The following FAM185A variants were observed in gnomAD, a reference collection of about 807,000 sequenced individuals.
FAM185A encodes the protein protein FAM185A.
A neutral mutation model predicts 45.7 loss-of-function variants in FAM185A; 21 were observed. The ratio of observed to expected loss-of-function variants is 0.46; its 90% CI spans 0.33 to 0.66. The LOEUF is 0.66. Ranked by LOEUF, FAM185A falls within the 30% of genes least tolerant of loss-of-function variation. FAM185A has a pLI of 0.03. For missense variants in FAM185A, 305 were observed against 485.4 expected (o/e 0.63, Z 3.49); for synonymous variants, 117 against 194.0 (o/e 0.60, Z 3.30).
intron 2 of FAM185A, chr7:102,755,144 A>G (rs1793630920): frequency 5.3e-6 from 2 of 377,104 alleles, no homozygotes; most frequent in African/African-American, 2.1e-5. Flanking sequence ...CCGTCGCCCA[A>G]GATGCCGAAA....
At chr7:102,834,032 T>TGAAGGAAGGAAGGAAG in the FAM185A span, among the ~76,000 whole-genome samples, 116 of 75,454 alleles carry the variant, frequency 1.5e-3, no homozygotes, top group East Asian at 2.0e-3. Context: ...GAAACCATGA[T>TGAAGGAAGGAAGGAAG]GAAGGAAGGA....
the FAM185A span, among the ~76,000 whole-genome samples, chr7:102,831,717 G>T: frequency 3.3e-5 from 5 of 151,980 alleles, no homozygotes; most frequent in African/African-American, 1.2e-4. Flanking sequence ...TTTCTCTACT[G>T]TTGGCTTAGG....
At chr7:102,758,459 T>TTTTTTTTTTTTTA (rs1554364935) in intron 3 of FAM185A, among the ~76,000 whole-genome samples, 2 of 107,448 alleles carry the variant, frequency 1.9e-5, no homozygotes, top group African/African-American at 7.3e-5. Context: ...TTTTTTTTTT[T>TTTTTTTTTTTTTA]ATAGTAGCTA....
chr7:102,813,465 A>C (rs76271897), downstream of FAM185A: 2 of 1,614,206 alleles, frequency 1.2e-6, no homozygotes, highest in South Asian at 2.2e-5. Flanking sequence ...AGCCAAACCA[A>C]CGTGGAGGGT....
chr7:102,840,441 G>A, the FAM185A span, among the ~76,000 whole-genome samples: 2 of 152,200 alleles, frequency 1.3e-5, no homozygotes, highest in East Asian at 1.9e-4. Context: ...CCTCTGTGGG[G>A]CAAGAAAGGC....
Position 102,768,315 on chromosome 7 carries a change from T to C in FAM185A, c.794-4094T>C, listed in dbSNP as rs201663950. 2.8e-3 allele frequency among the ~76,000 whole-genome samples: 410 copies of C among 146,852 alleles called. No homozygotes were observed. In the East Asian group the frequency reaches 0.053, roughly 19 times the overall value. On this transcript the variant is annotated intron_variant, in intron 4 of 7. Coordinates refer to ENST00000413034, the MANE Select transcript of FAM185A (RefSeq NM_001145268.2). ...TGATCAGAGCCTTTGATCATACTGA[T>C]CATACTGTTTATATTCTGCCTGAAA... is the stretch of plus-strand genomic sequence containing the variant.
intron 7 of FAM185A, among the ~76,000 whole-genome samples, chr7:102,792,249 T>G (rs1413712386): frequency 6.6e-6 from 1 of 151,484 alleles, no homozygotes. Flanking sequence ...CTCAGGTGTA[T>G]AATTCCTACC....
chr7:102,848,425 G>A, the FAM185A span, among the ~76,000 whole-genome samples: 6 of 98,832 alleles, frequency 6.1e-5, 1 homozygote, highest in Non-Finnish European at 9.3e-5. Context: ...GCGTAGTGGC[G>A]GGCGCCTGTA....
chr7:102,822,156 C>T, the FAM185A span: 1 of 1,614,112 alleles, frequency 6.2e-7, no homozygotes. Flanking sequence ...CCAAAATGTG[C>T]AGGTAATGGC....
At chr7:102,847,055 T>TA in the FAM185A span, among the ~76,000 whole-genome samples, 1 of 152,254 alleles carries the variant, frequency 6.6e-6, no homozygotes, top group Non-Finnish European at 1.5e-5. Flanking sequence ...TGTCCATAAA[T>TA]AAAGTTTTAT....
chr7:102,784,024 T>C (rs1275336272), intron 6 of FAM185A, among the ~76,000 whole-genome samples: 1 of 152,126 alleles, frequency 6.6e-6, no homozygotes, highest in Non-Finnish European at 1.5e-5. Context: ...CCCACAGAAA[T>C]ACAAACTACC....
At chr7:102,846,286 G>T in the FAM185A span, among the ~76,000 whole-genome samples, 1 of 152,142 alleles carries the variant, frequency 6.6e-6, no homozygotes, top group African/African-American at 2.4e-5. Context: ...AATGTTTTGT[G>T]TTCAATCACT....
At chr7:102,803,992 C>T (rs1726141427) in intron 7 of FAM185A, among the ~76,000 whole-genome samples, 1 of 152,126 alleles carries the variant, frequency 6.6e-6, no homozygotes, top group African/African-American at 2.4e-5. Context: ...TGAAAGACCT[C>T]TACAAGGAAA....
At chr7:102,823,833 C>T in the FAM185A span, among the ~76,000 whole-genome samples, 4,443 of 152,176 alleles carry the variant, frequency 0.029, 183 homozygotes, top group East Asian at 0.16. Context: ...TGTCTAAACA[C>T]GCTTTGTTTC....
At chr7:102,807,019 A>G (rs1021896453) in intron 7 of FAM185A, among the ~76,000 whole-genome samples, 2 of 152,212 alleles carry the variant, frequency 1.3e-5, no homozygotes, top group Non-Finnish European at 2.9e-5. Flanking sequence ...CTACCTATAC[A>G]TGGTCCACTG....
At chr7:102,821,612 T>C in the FAM185A span, among the ~76,000 whole-genome samples, 1 of 152,228 alleles carries the variant, frequency 6.6e-6, no homozygotes, top group African/African-American at 2.4e-5. Context: ...AGGATTCTCA[T>C]TTTAAGCATT....
At chr7:102,834,950 T>C in the FAM185A span, among the ~76,000 whole-genome samples, 1 of 151,882 alleles carries the variant, frequency 6.6e-6, no homozygotes, top group African/African-American at 2.4e-5. Context: ...CATAAATATA[T>C]ACAATTTTTA....
the FAM185A span, among the ~76,000 whole-genome samples, chr7:102,848,767 G>A: frequency 6.6e-6 from 1 of 152,176 alleles, no homozygotes; most frequent in African/African-American, 2.4e-5. Flanking sequence ...GCCAAGGCAG[G>A]TGCATCACCT....
intron 6 of FAM185A, chr7:102,779,935 T>A (rs1055522551): frequency 2.1e-5 from 3 of 142,974 alleles, no homozygotes; most frequent in African/African-American, 7.7e-5. Flanking sequence ...GGTCTCGAAC[T>A]CTTGAGCTCA....
Sources: gnomAD v4.1 joint callset for allele counts (sites outside exome capture counted in the v4.1 genomes callset) on GRCh38, gnomAD v4.1.1 for gene constraint, MANE v1.5 for transcripts, NCBI Gene and HGNC (gene_info 2026-07-23, HGNC 2026-07-21) for gene names.